MAP4: variants seen among roughly 807,000 people sequenced by gnomAD.
The protein encoded by MAP4 is microtubule associated protein 4, also known as microtubule-associated protein 4.
Under a neutral mutation model 170.2 loss-of-function variants are expected in MAP4, and 76 were observed. The ratio of observed to expected loss-of-function variants is 0.45; its 90% CI spans 0.37 to 0.54. The LOEUF (loss-of-function observed/expected upper bound fraction) is 0.54. Ranked by LOEUF, MAP4 falls within the 20% of genes least tolerant of loss-of-function variation. MAP4 has a pLI of 0.00. For missense variants in MAP4, 2,506 were observed against 2,748.0 expected (o/e 0.91, Z 1.97); for synonymous variants, 909 against 994.5 (o/e 0.91, Z 1.62).
chr3:48,080,304 T>A (rs913597209), intron 1 of MAP4, among the ~76,000 whole-genome samples: 10 of 152,252 alleles, frequency 6.6e-5, no homozygotes, highest in Non-Finnish European at 1.3e-4. Flanking sequence ...ACTGGAGGAA[T>A]CACCTATTAT....
At chr3:47,904,893 C>T (rs1305541112) in intron 9 of MAP4, among the ~76,000 whole-genome samples, 1 of 152,166 alleles carries the variant, frequency 6.6e-6, no homozygotes, top group African/African-American at 2.4e-5. Context: ...TGGTCTTGAA[C>T]TCCTGGCCTC....
chr3:47,891,246 C>T, intron 10 of MAP4: 1 of 1,536,280 alleles, frequency 6.5e-7, no homozygotes, highest in Non-Finnish European at 8.7e-7. Flanking sequence ...TATAATCCAG[C>T]AGTGCCGAGT....
chr3:48,085,191 T>TAAAAAAA (rs896066878), intron 1 of MAP4, among the ~76,000 whole-genome samples: 1 of 98,840 alleles, frequency 1.0e-5, no homozygotes, highest in Non-Finnish European at 2.1e-5. Context: ...GCTTAATCTT[T>TAAAAAAA]AAAAAAAAAA....
chr3:47,917,627 A>C (rs955332218), intron 6 of MAP4, among the ~76,000 whole-genome samples: 1 of 152,036 alleles, frequency 6.6e-6, no homozygotes. Flanking sequence ...AATGTCAAGT[A>C]ACATATTCTG....
chr3:47,979,125 T>C (rs1435506308), intron 2 of MAP4, among the ~76,000 whole-genome samples: 1 of 152,134 alleles, frequency 6.6e-6, no homozygotes, highest in Non-Finnish European at 1.5e-5. Flanking sequence ...CATTTCATAT[T>C]GAGGCCTACG....
intron 19 of MAP4, 41 bp from the exon 20 acceptor site, chr3:47,853,393 AGGG>A (rs1553715045): frequency 9.4e-6 from 8 of 853,484 alleles, no homozygotes; most frequent in Admixed American, 5.4e-5. Flanking sequence ...GGGTCAGTCG[AGGG>A]GGGGAGTGGG....
intron 3 of MAP4, among the ~76,000 whole-genome samples, chr3:47,951,078 G>C (rs2100063420): frequency 6.6e-6 from 1 of 152,108 alleles, no homozygotes; most frequent in Non-Finnish European, 1.5e-5. Flanking sequence ...TTACAATTAA[G>C]ACAACTTTAT....
chr3:48,077,154 AAAAG>A (rs753852101), intron 1 of MAP4, among the ~76,000 whole-genome samples: 36 of 148,986 alleles, frequency 2.4e-4, no homozygotes, highest in South Asian at 2.1e-4. Context: ...CTCAAAAAAG[AAAAG>A]AAAGCCAGGC....
intron 10 of MAP4, among the ~76,000 whole-genome samples, chr3:47,883,854 TA>T (rs777704261): frequency 2.6e-5 from 4 of 152,082 alleles, no homozygotes; most frequent in African/African-American, 4.8e-5. Flanking sequence ...CTCAGCACCA[TA>T]AGGAAGGTTA....
At chr3:48,051,092 C>CCACA (rs145028487) in intron 1 of MAP4, among the ~76,000 whole-genome samples, 2,836 of 143,984 alleles carry the variant, frequency 0.02, 42 homozygotes, top group African/African-American at 0.039. Flanking sequence ...CATTCAATTT[C>CCACA]CACACACACA....
intron 1 of MAP4, among the ~76,000 whole-genome samples, chr3:48,054,943 A>T (rs907342620): frequency 6.6e-6 from 1 of 152,196 alleles, no homozygotes. Context: ...CCAAGAAAAT[A>T]CTGTGGTTTA....
At position 47,872,009 on chromosome 3, in the gene MAP4, T is replaced by C. The variant is rs764145212; in HGVS notation, c.5849A>G (p.Gln1950Arg). ...PASRSGSKSTQTVAKTTTAAA... is the reference protein window; with the variant it reads ...PASRSGSKSTRTVAKTTTAAA... The stretch of plus-strand genomic sequence containing the variant: ...AGCTGTTGTGGTTTTTGCAACAGTC[T>C]GAGTGCTCTTGGACCCAGATCTGGA... The change falls in exon 13 of 21, where the codon CAG (glutamine) becomes CGG (arginine). Residue 1950 changes from glutamine (Q) to arginine (R), a missense_variant. Coordinates refer to ENST00000683076, the MANE Select transcript of MAP4 (RefSeq NM_001385682.1). 3.7e-6 allele frequency: 6 copies of C among 1,613,998 alleles called. No homozygotes were observed. The highest frequency in any genetic ancestry group is 5.1e-6 in the Non-Finnish European group (6 of 1,180,012).
chr3:48,069,639 C>A (rs964217733), intron 1 of MAP4, among the ~76,000 whole-genome samples: 1 of 152,224 alleles, frequency 6.6e-6, no homozygotes, highest in African/African-American at 2.4e-5. Context: ...CTATACTGAG[C>A]ACACAAAGTT....
At chr3:47,923,623 TAA>T (rs540228735) in intron 4 of MAP4, among the ~76,000 whole-genome samples, 3 of 126,792 alleles carry the variant, frequency 2.4e-5, no homozygotes, top group African/African-American at 2.9e-5. Context: ...GCTTTTTGTT[TAA>T]AAAAAAAAAA....
chr3:47,953,284 A>AG (rs1050278317), intron 3 of MAP4, among the ~76,000 whole-genome samples: 3 of 152,148 alleles, frequency 2.0e-5, no homozygotes, highest in Non-Finnish European at 2.9e-5. Context: ...TAATCTCAGC[A>AG]GGGGGGCCAA....
intron 1 of MAP4, among the ~76,000 whole-genome samples, chr3:48,081,144 G>C (rs1235577177): frequency 6.6e-6 from 1 of 150,806 alleles, no homozygotes; most frequent in Non-Finnish European, 1.5e-5. Flanking sequence ...AAAAACATTA[G>C]CCGGGAGTGG....
chr3:48,007,084 C>T (rs958862085), intron 1 of MAP4, among the ~76,000 whole-genome samples: 1 of 152,248 alleles, frequency 6.6e-6, no homozygotes, highest in Non-Finnish European at 1.5e-5. Context: ...TCGCTTTTCG[C>T]TTCCGCAAGA....
chr3:48,086,455 G>A (rs997525295), intron 1 of MAP4, among the ~76,000 whole-genome samples: 9 of 152,166 alleles, frequency 5.9e-5, no homozygotes, highest in African/African-American at 1.2e-4. Context: ...TCTGTCCAAC[G>A]TGGCGAAACC....
intron 1 of MAP4, among the ~76,000 whole-genome samples, chr3:48,008,605 G>T (rs1201008092): frequency 1.3e-5 from 2 of 152,230 alleles, no homozygotes; most frequent in Non-Finnish European, 2.9e-5. Context: ...GAGGTATGTG[G>T]ATGGACCTCT....
Sources: allele counts gnomAD v4.1 joint callset (sites outside exome capture counted in the v4.1 genomes callset), GRCh38; gene constraint gnomAD v4.1.1; transcripts MANE v1.5; gene names NCBI Gene and HGNC (gene_info 2026-07-23, HGNC 2026-07-21).